LMBR1: variants seen among roughly 807,000 people sequenced by gnomAD.
LMBR1 encodes the protein limb region 1 protein homolog.
Under a neutral mutation model 73.9 loss-of-function variants are expected in LMBR1, and 52 were observed. That is an observed-to-expected ratio of 0.70 (90% CI 0.56 to 0.89). The LOEUF (loss-of-function observed/expected upper bound fraction) is 0.89. LMBR1 is among the 40% of genes least tolerant of loss of function. The pLI is 0.00. For missense variants in LMBR1, 539 were observed against 579.8 expected, an observed-to-expected ratio of 0.93 and a Z score of 0.72; for synonymous variants, 215 against 209.4, an observed-to-expected ratio of 1.03 and a Z score of -0.23.
intron 3 of LMBR1, among the ~76,000 whole-genome samples, chr7:156,827,357 T>A (rs1036691876): frequency 2.6e-5 from 4 of 152,068 alleles, no homozygotes; most frequent in Non-Finnish European, 5.9e-5. Flanking sequence ...GGTACTAATA[T>A]GGAAGAATAT....
At position 156,698,274 on chromosome 7, in the gene LMBR1, G is replaced by A. The variant is rs565386231; in HGVS notation, c.1226-10083C>T. ...CAGCTGCTTTCACAGGCTGGTATTG[G>A]TTTTCCAGGCACACAGTGCAAGCTG... On this transcript the variant is annotated intron_variant, in intron 15 of 16. Coordinates refer to ENST00000353442, the MANE Select transcript of LMBR1 (RefSeq NM_022458.4). Among the ~76,000 whole-genome samples, 11 of 152,210 alleles carry A rather than the reference G, an allele frequency of 7.2e-5. No individual in the cohort carries two copies. In the South Asian group the frequency reaches 2.3e-3, roughly 32 times the overall value.
intron 5 of LMBR1, among the ~76,000 whole-genome samples, chr7:156,772,032 T>G (rs1031807575): frequency 1.3e-5 from 2 of 152,022 alleles, no homozygotes; most frequent in African/African-American, 4.8e-5. Context: ...TCCCAGCACT[T>G]TGGGAGGCTG....
Position 156,685,509 on chromosome 7 carries a change from A to G in LMBR1, c.1388-1346T>C, listed in dbSNP as rs1322395645. Among the ~76,000 whole-genome samples the G allele has an allele frequency of 1.3e-5, 2 of 152,248 alleles. No homozygotes were observed. The highest frequency in any genetic ancestry group is 4.8e-5 in the African/African-American group (2 of 41,460). ...CGGCTGCTCCTCAGTTACCAAGCAG[A>G]CAGCATGTCACTGTCCTGAGTGCTG... is the stretch of plus-strand genomic sequence containing the variant. On this transcript the variant is annotated intron_variant, in intron 16 of 16. Coordinates refer to ENST00000353442, the MANE Select transcript of LMBR1 (RefSeq NM_022458.4). The surrounding 1 kb of genome is among the most constrained non-coding windows in gnomAD (Gnocchi z 4.1).
Position 156,681,289 on chromosome 7 carries a change from A to G in LMBR1, c.*2789T>C, listed in dbSNP as rs2131827939. ...GAGCAGGTACACGTGCGCCTTTAAC[A>G]CATCTGAGAGCAAAACGCGAGAGGC... On this transcript the variant is annotated 3_prime_UTR_variant, in exon 17 of 17. Coordinates refer to ENST00000353442, the MANE Select transcript of LMBR1 (RefSeq NM_022458.4). The G allele has an allele frequency of 2.5e-6, 1 of 396,424 alleles. No homozygotes were observed. Among genetic ancestry groups the G allele is most frequent in the South Asian group, 1.8e-5 (1 of 54,534 alleles). The allele number at this position is 396,424 out of a possible 1,614,324, so 24.6% of individuals were successfully genotyped here.
At chr7:156,671,962 T>TATCAAAACTTGTGGAATGGAATATTTC (rs1353088291) in intron 4 of LMBR1, among the ~76,000 whole-genome samples, 5 of 152,168 alleles carry the variant, frequency 3.3e-5, no homozygotes, top group African/African-American at 1.2e-4. Context: ...CAAAAGTACA[T>TATCAAAACTTGTGGAATGGAATATTTC]ATCAAAACTT....
chr7:156,687,563 C>T (rs890731200), intron 16 of LMBR1, among the ~76,000 whole-genome samples: 1 of 152,154 alleles, frequency 6.6e-6, no homozygotes, highest in South Asian at 2.1e-4. Flanking sequence ...AGAATGCTAA[C>T]GTTTTCATCT....
chr7:156,796,751 G>A (rs528906304), intron 4 of LMBR1, among the ~76,000 whole-genome samples: 6 of 152,170 alleles, frequency 3.9e-5, no homozygotes, highest in South Asian at 4.2e-4. Flanking sequence ...TATGACGTGT[G>A]CAGAGATCCA....
intron 5 of LMBR1, among the ~76,000 whole-genome samples, chr7:156,770,778 G>A (rs2133049303): frequency 6.6e-6 from 1 of 152,168 alleles, no homozygotes; most frequent in South Asian, 2.1e-4. Flanking sequence ...GATGGGCATG[G>A]AAGCACACAC....
chr7:156,688,867 C>T (rs1277453914), intron 15 of LMBR1, among the ~76,000 whole-genome samples: 4 of 151,996 alleles, frequency 2.6e-5, no homozygotes, highest in Admixed American at 6.5e-5. Flanking sequence ...CCCCTATAAT[C>T]CCAGTGCCCA....
chr7:156,868,343 A>C (rs1037978080), intron 1 of LMBR1, among the ~76,000 whole-genome samples: 8 of 151,748 alleles, frequency 5.3e-5, no homozygotes, highest in Middle Eastern at 3.2e-3. Context: ...ACAGGCACAC[A>C]CCCCCATGCC....
intron 10 of LMBR1, among the ~76,000 whole-genome samples, chr7:156,733,651 T>C (rs926297372): frequency 1.3e-5 from 2 of 152,126 alleles, no homozygotes; most frequent in Non-Finnish European, 2.9e-5. Context: ...ATCCTTCAGC[T>C]ATAGCCTAAA....
chr7:156,823,396 A>G (rs1171404726), intron 4 of LMBR1: 1 of 152,174 alleles, frequency 6.6e-6, no homozygotes, highest in African/African-American at 2.4e-5. Context: ...AGCAATTAAT[A>G]CTCATTAGCC....
intron 1 of LMBR1, among the ~76,000 whole-genome samples, chr7:156,884,338 C>T (rs555778892): frequency 6.6e-6 from 1 of 152,152 alleles, no homozygotes; most frequent in East Asian, 1.9e-4. Flanking sequence ...TCAGACAAGA[C>T]CATGATGGAT....
chr7:156,848,489 A>G (rs925483370), intron 1 of LMBR1, among the ~76,000 whole-genome samples: 1 of 152,132 alleles, frequency 6.6e-6, no homozygotes, highest in Middle Eastern at 3.2e-3. Flanking sequence ...ATCTCACACC[A>G]AGTCAGAGTG....
chr7:156,834,861 GC>G (rs1375440556), intron 2 of LMBR1, among the ~76,000 whole-genome samples: 1 of 150,382 alleles, frequency 6.6e-6, no homozygotes, highest in Non-Finnish European at 1.5e-5. Context: ...AATACCACAG[GC>G]TGGGCGCAGT....
chr7:156,675,709 G>GCCAC, downstream of LMBR1: 1 of 1,584,942 alleles, frequency 6.3e-7, no homozygotes, highest in African/African-American at 1.3e-5. Flanking sequence ...ACAGAAATCA[G>GCCAC]CCACCGCATC....
At chr7:156,732,903 G>A (rs1817125451) in intron 10 of LMBR1, among the ~76,000 whole-genome samples, 1 of 152,204 alleles carries the variant, frequency 6.6e-6, no homozygotes, top group Non-Finnish European at 1.5e-5. Flanking sequence ...CAGTACTTTG[G>A]GAGGCTGACG....
At chr7:156,773,269 C>A (rs923062400) in intron 5 of LMBR1, among the ~76,000 whole-genome samples, 23 of 151,964 alleles carry the variant, frequency 1.5e-4, no homozygotes, top group Non-Finnish European at 2.9e-4. Flanking sequence ...GCCATACTGC[C>A]CAAAGCAATT....
intron 5 of LMBR1, among the ~76,000 whole-genome samples, chr7:156,767,053 T>C (rs1257816160): frequency 6.6e-6 from 1 of 152,150 alleles, no homozygotes. Flanking sequence ...TGTGGGCCAG[T>C]CGCTTTTGCC....
Sources: allele counts gnomAD v4.1 joint callset (sites outside exome capture counted in the v4.1 genomes callset), GRCh38; gene constraint gnomAD v4.1.1; non-coding constraint Gnocchi (gnomAD v3.1); transcripts MANE v1.5; gene names NCBI Gene and HGNC (gene_info 2026-07-23, HGNC 2026-07-21).